Variants in RALYL observed in about 807,000 individuals in gnomAD.
RALYL encodes RALY RNA binding protein like, also known as RNA-binding Raly-like protein.
Under a neutral mutation model 35.1 loss-of-function variants are expected in RALYL, and 29 were observed. That is an observed-to-expected ratio of 0.83 (90% CI 0.61 to 1.13). The LOEUF (loss-of-function observed/expected upper bound fraction) is 1.13. Ranked by LOEUF, RALYL falls within the 50% of genes most tolerant of loss-of-function variation. RALYL has a pLI of 0.00. For synonymous variants in RALYL, 120 were observed against 127.6 expected, an observed-to-expected ratio of 0.94 and a Z score of 0.40; for missense variants, 359 against 360.4, an observed-to-expected ratio of 1.00 and a Z score of 0.03.
At chr8:84,186,339 C>T (rs1324459276) in intron 1 of RALYL, among the ~76,000 whole-genome samples, 1 of 152,142 alleles carries the variant, frequency 6.6e-6, no homozygotes, top group African/African-American at 2.4e-5. Context: ...AAAAAAGCCA[C>T]TTGCAACATT....
At chr8:84,445,611 G>T (rs1362658362) in intron 1 of RALYL, among the ~76,000 whole-genome samples, 1 of 151,498 alleles carries the variant, frequency 6.6e-6, no homozygotes, top group Admixed American at 6.6e-5. Context: ...AAAAAGAATG[G>T]TTAATACTGA....
chr8:84,249,979 T>C (rs1586540574), intron 1 of RALYL, among the ~76,000 whole-genome samples: 1 of 152,174 alleles, frequency 6.6e-6, no homozygotes, highest in East Asian at 1.9e-4. Context: ...TTGAAAAATG[T>C]TCCAAAATTT....
intron 1 of RALYL, among the ~76,000 whole-genome samples, chr8:84,215,856 G>A (rs186631128): frequency 2.6e-5 from 4 of 152,192 alleles, no homozygotes; most frequent in Admixed American, 6.5e-5. Flanking sequence ...TAATGCGTAC[G>A]CATGGCAAAC....
chr8:84,599,397 T>A (rs184863096), intron 2 of RALYL, among the ~76,000 whole-genome samples: 26 of 152,020 alleles, frequency 1.7e-4, no homozygotes, highest in African/African-American at 6.0e-4. Flanking sequence ...AATTTGTCAA[T>A]ATGCAATAAA....
intron 1 of RALYL, among the ~76,000 whole-genome samples, chr8:84,367,245 C>T (rs1361721171): frequency 6.8e-6 from 1 of 146,132 alleles, no homozygotes; most frequent in African/African-American, 2.5e-5. Context: ...AAGCGATTCT[C>T]CTGCCTCAGC....
At chr8:84,567,689 T>A (rs1396284681) in intron 2 of RALYL, among the ~76,000 whole-genome samples, 2 of 151,672 alleles carry the variant, frequency 1.3e-5, no homozygotes, top group Admixed American at 6.6e-5. Context: ...TTTTTTTTTT[T>A]TATAATGATT....
At chr8:84,514,191 C>T (rs116775979) in intron 1 of RALYL, among the ~76,000 whole-genome samples, 2,378 of 147,022 alleles carry the variant, frequency 0.016, 65 homozygotes, top group African/African-American at 0.055. Flanking sequence ...TTCTGACTCA[C>T]TTTAGCTTTA....
At chr8:84,830,227 G>T (rs1281653727) in intron 4 of RALYL, among the ~76,000 whole-genome samples, 2 of 152,114 alleles carry the variant, frequency 1.3e-5, no homozygotes, top group Non-Finnish European at 2.9e-5. Flanking sequence ...TAAAAACCCT[G>T]CGAGTATTAA....
At chr8:84,877,037 G>A (rs1841281036) in intron 7 of RALYL, among the ~76,000 whole-genome samples, 1 of 151,900 alleles carries the variant, frequency 6.6e-6, no homozygotes, top group Non-Finnish European at 1.5e-5. Flanking sequence ...TATCTATTTG[G>A]TCCCTGTTCA....
At chr8:84,423,738 A>C (rs1365466420) in intron 1 of RALYL, among the ~76,000 whole-genome samples, 1 of 151,680 alleles carries the variant, frequency 6.6e-6, no homozygotes, top group Non-Finnish European at 1.5e-5. Flanking sequence ...CTTTTAGGGC[A>C]GGCCTGGTGG....
intron 2 of RALYL, among the ~76,000 whole-genome samples, chr8:84,622,468 T>C (rs1211756802): frequency 6.6e-6 from 1 of 152,160 alleles, no homozygotes; most frequent in African/African-American, 2.4e-5. Context: ...AGCCACTAAA[T>C]TTTGAGCAGA....
At chr8:84,779,880 C>G (rs1245658586) in intron 3 of RALYL, among the ~76,000 whole-genome samples, 3 of 152,150 alleles carry the variant, frequency 2.0e-5, no homozygotes, top group Non-Finnish European at 4.4e-5. Context: ...CTAAAATGTT[C>G]CCTAGAACCT....
chr8:84,499,567 T>G (rs968155887), intron 1 of RALYL, among the ~76,000 whole-genome samples: 13 of 152,124 alleles, frequency 8.5e-5, no homozygotes, highest in African/African-American at 3.1e-4. Context: ...AATGTACTTC[T>G]GTAGTGTGAT....
At chr8:84,225,878 A>G (rs144335856) in intron 1 of RALYL, among the ~76,000 whole-genome samples, 1 of 152,308 alleles carries the variant, frequency 6.6e-6, no homozygotes, top group African/African-American at 2.4e-5. Flanking sequence ...ACTCAGACCC[A>G]TGCCTGACAC....
intron 2 of RALYL, among the ~76,000 whole-genome samples, chr8:84,759,159 A>G (rs2133338996): frequency 6.6e-6 from 1 of 152,206 alleles, no homozygotes; most frequent in South Asian, 2.1e-4. Flanking sequence ...ATTACATGTG[A>G]ATGTACCCAG....
intron 1 of RALYL, among the ~76,000 whole-genome samples, chr8:84,343,134 C>T (rs1472179600): frequency 6.6e-6 from 1 of 151,942 alleles, no homozygotes. Flanking sequence ...CTATAGGTTA[C>T]TTCTCTATGA....
intron 2 of RALYL, among the ~76,000 whole-genome samples, chr8:84,653,279 T>A (rs760767363): frequency 2.6e-5 from 4 of 152,082 alleles, no homozygotes; most frequent in African/African-American, 4.8e-5. Context: ...TCAAAAGAGT[T>A]CTAAGAAAAT....
At chr8:84,337,145 C>A (rs2130815740) in intron 1 of RALYL, among the ~76,000 whole-genome samples, 1 of 151,632 alleles carries the variant, frequency 6.6e-6, no homozygotes, top group Non-Finnish European at 1.5e-5. Context: ...CACAGCATTA[C>A]AATGGAAAGC....
At chr8:84,817,155 T>C (rs1247870138) in intron 4 of RALYL, among the ~76,000 whole-genome samples, 1 of 152,136 alleles carries the variant, frequency 6.6e-6, no homozygotes. Context: ...AAAATGACCT[T>C]ATAATTGCTA....
Sources: allele counts gnomAD v4.1 joint callset (sites outside exome capture counted in the v4.1 genomes callset), GRCh38; gene constraint gnomAD v4.1.1; transcripts MANE v1.5; gene names NCBI Gene and HGNC (gene_info 2026-07-23, HGNC 2026-07-21).